The following SERPINI1 variants were observed in gnomAD, a reference collection of about 807,000 sequenced individuals.
The protein encoded by SERPINI1 is serpin family I member 1, also known as neuroserpin.
Under a neutral mutation model 41.1 loss-of-function variants are expected in SERPINI1, and 19 were observed. The ratio of observed to expected loss-of-function variants is 0.46; its 90% CI spans 0.32 to 0.68. The LOEUF (loss-of-function observed/expected upper bound fraction) is 0.68. Ranked by LOEUF, SERPINI1 falls within the 30% of genes least tolerant of loss-of-function variation. The pLI is 0.03. For synonymous variants in SERPINI1, 138 were observed against 156.6 expected, an observed-to-expected ratio of 0.88 and a Z score of 0.89; for missense variants, 460 against 479.2, an observed-to-expected ratio of 0.96 and a Z score of 0.37.
chr3:167,798,173 A>C (rs1452515820), intron 5 of SERPINI1, among the ~76,000 whole-genome samples: 1 of 152,182 alleles, frequency 6.6e-6, no homozygotes, highest in Non-Finnish European at 1.5e-5. Context: ...GTCCACTGAG[A>C]AACTGAATGT....
intron 1 of SERPINI1, among the ~76,000 whole-genome samples, chr3:167,758,863 T>TTA (rs1726277968): frequency 6.6e-6 from 1 of 152,200 alleles, no homozygotes; most frequent in Non-Finnish European, 1.5e-5. Flanking sequence ...GGAACTCTAC[T>TTA]TTTTTTCAAC....
At chr3:167,807,189 G>C in intron 5 of SERPINI1, 55 bp from the exon 6 acceptor site, 1 of 1,152,956 alleles carries the variant, frequency 8.7e-7, no homozygotes, top group Non-Finnish European at 1.3e-6. Context: ...CTTTGTTCTT[G>C]TTCCAGGTAA....
In SERPINI1 at chr3:167,794,760, G is replaced by A. The variant is rs778331359; in HGVS notation, c.817G>A (p.Ala273Thr). 2.8e-5 allele frequency: 45 copies of A among 1,613,674 alleles called. No homozygotes were observed. The South Asian group carries it at 4.1e-4, about 15-fold the overall frequency. Reference protein sequence around the residue: ...PLATLEPLVKAQLVEEWANSV... With the variant: ...PLATLEPLVKTQLVEEWANSV... The stretch of plus-strand genomic sequence containing the variant: ...TGCTACTCTGGAGCCATTAGTCAAA[G>A]CACAGCTGGTTGAAGAATGGGCAAA... Residue 273 changes from alanine (A) to threonine (T), a missense_variant, in exon 5 of 9, where the codon GCA (alanine) becomes ACA (threonine). Transcript: ENST00000446050.
At position 167,823,074 on chromosome 3, in the gene SERPINI1, T is replaced by C; in HGVS notation, c.1066+2T>C. The C allele has an allele frequency of 6.3e-7, 1 of 1,577,574 alleles. No homozygotes were observed. Among genetic ancestry groups the C allele is most frequent in the Non-Finnish European group, 8.7e-7 (1 of 1,146,834 alleles). On this transcript the variant is annotated splice_donor_variant, in intron 7 of 8. Coordinates refer to ENST00000446050, the MANE Select transcript of SERPINI1 (RefSeq NM_001122752.2). LOFTEE classifies it high-confidence loss of function. ...GCTCAGAAGCTGCTGCTGTCTCAGG[T>C]ACTGTTTGCTAGAATCTTCTCCCCT... is the stretch of plus-strand genomic sequence containing the variant.
chr3:167,772,883 TATATATATATACACACAC>T (rs1484756222), intron 1 of SERPINI1, among the ~76,000 whole-genome samples: 15 of 70,944 alleles, frequency 2.1e-4, no homozygotes, highest in African/African-American at 8.4e-4. Flanking sequence ...TATATATATA[TATATATATATACACACAC>T]ACACACACAC....
chr3:167,790,188 G>A (rs1727451780), intron 2 of SERPINI1, among the ~76,000 whole-genome samples, 184 bp from the exon 3 acceptor site: 1 of 152,134 alleles, frequency 6.6e-6, no homozygotes, highest in Non-Finnish European at 1.5e-5. Context: ...CTTGCAAAAA[G>A]TTAATTTGAG....
At chr3:167,789,465 A>G (rs1727425410) in intron 2 of SERPINI1, 87 bp downstream of exon 2, 1 of 1,483,760 alleles carries the variant, frequency 6.7e-7, no homozygotes, top group Non-Finnish European at 9.4e-7. Flanking sequence ...ACACAGCAAT[A>G]TTTACACAGG....
intron 1 of SERPINI1, among the ~76,000 whole-genome samples, chr3:167,784,746 T>G (rs1414322933): frequency 6.6e-6 from 1 of 152,152 alleles, no homozygotes; most frequent in Non-Finnish European, 1.5e-5. Flanking sequence ...TCTAATTACC[T>G]CCACCTGATC....
intron 1 of SERPINI1, among the ~76,000 whole-genome samples, chr3:167,759,464 T>C (rs1471813434): frequency 2.0e-5 from 3 of 148,850 alleles, no homozygotes; most frequent in Non-Finnish European, 3.0e-5. Context: ...AATGAAATCA[T>C]ATACTTCGTA....
rs927648972 is a variant in SERPINI1, at chr3:167,824,389, G to A, written c.1067-84G>A. ...GTAAATTGTTGTCTTTGCATTAGGTGGATAGGCATAGATGGTTTTGAGGAA... is the reference window on the plus strand; with the variant it reads ...GTAAATTGTTGTCTTTGCATTAGGTAGATAGGCATAGATGGTTTTGAGGAA... On this transcript the variant is annotated intron_variant, in intron 7 of 8. Coordinates refer to ENST00000446050, the MANE Select transcript of SERPINI1 (RefSeq NM_001122752.2). 25 of 981,916 alleles carry A rather than the reference G, an allele frequency of 2.5e-5. 1 individual carries two copies. In the Middle Eastern group the frequency reaches 6.3e-4, roughly 25 times the overall value. 60.8% of individuals were successfully genotyped at this position (981,916 alleles called of 1,614,324 possible).
At chr3:167,818,947 T>C (rs1312093325) in intron 6 of SERPINI1, among the ~76,000 whole-genome samples, 1 of 152,206 alleles carries the variant, frequency 6.6e-6, no homozygotes, top group Non-Finnish European at 1.5e-5. Flanking sequence ...TCAGAAGGGC[T>C]TAGCTGACAA....
chr3:167,736,875 G>A (rs1476559229), intron 1 of SERPINI1, among the ~76,000 whole-genome samples: 1 of 152,150 alleles, frequency 6.6e-6, no homozygotes, highest in East Asian at 1.9e-4. Flanking sequence ...TATTTTCCTA[G>A]TTCATTTTCA....
intron 6 of SERPINI1, among the ~76,000 whole-genome samples, chr3:167,812,252 T>C (rs1711915594): frequency 6.6e-6 from 1 of 152,192 alleles, no homozygotes; most frequent in African/African-American, 2.4e-5. Flanking sequence ...ATCATTCCAG[T>C]TCCTGTTCAA....
At chr3:167,803,020 C>T (rs1053096234) in intron 5 of SERPINI1, among the ~76,000 whole-genome samples, 13 of 151,766 alleles carry the variant, frequency 8.6e-5, no homozygotes, top group East Asian at 1.9e-4. Context: ...AGTAAACTAT[C>T]GCAAGATGAA....
intron 1 of SERPINI1, among the ~76,000 whole-genome samples, chr3:167,763,307 C>T (rs1726444218): frequency 6.6e-6 from 1 of 151,962 alleles, no homozygotes; most frequent in African/African-American, 2.4e-5. Flanking sequence ...CAATTATTTC[C>T]TCGTTTCCCA....
At chr3:167,752,250 G>A (rs138477815) in intron 1 of SERPINI1, among the ~76,000 whole-genome samples, 21 of 152,232 alleles carry the variant, frequency 1.4e-4, no homozygotes, top group African/African-American at 4.6e-4. Context: ...CCTACACTCT[G>A]AACTCTGACC....
intron 5 of SERPINI1, among the ~76,000 whole-genome samples, chr3:167,795,426 G>A (rs1442940729): frequency 6.6e-6 from 1 of 152,172 alleles, no homozygotes; most frequent in East Asian, 1.9e-4. Context: ...ACCACATCAA[G>A]CATGTTGTAG....
At chr3:167,815,571 G>A (rs1182482176) in intron 6 of SERPINI1, among the ~76,000 whole-genome samples, 1 of 151,964 alleles carries the variant, frequency 6.6e-6, no homozygotes, top group Non-Finnish European at 1.5e-5. Flanking sequence ...TGTACTTTTA[G>A]TAGAGACGGG....
rs1339242971 is a variant in SERPINI1 at position 167,802,416 on chromosome 3, A to C, written c.882-4828A>C. On this transcript the variant is annotated intron_variant, in intron 5 of 8. Coordinates refer to ENST00000446050, the MANE Select transcript of SERPINI1 (RefSeq NM_001122752.2). ...AATATCCAGAATCTACAATGAACTC[A>C]AACAAATTTACAAGAAAAAAACAAA... 2.4e-3 allele frequency among the ~76,000 whole-genome samples: 363 copies of C among 150,444 alleles called. 2 individuals are homozygous for C. Among genetic ancestry groups the C allele is most frequent in the African/African-American group, 8.7e-3 (356 of 40,956 alleles).
Sources: allele counts gnomAD v4.1 joint callset (sites outside exome capture counted in the v4.1 genomes callset), GRCh38; gene constraint gnomAD v4.1.1; transcripts MANE v1.5; gene names NCBI Gene and HGNC (gene_info 2026-07-23, HGNC 2026-07-21).